The following GLIS2 variants were observed in gnomAD, a reference collection of about 807,000 sequenced individuals.
GLIS2 encodes zinc finger protein GLIS2.
GLIS2 carries 14 observed loss-of-function variants against 35.6 expected under a neutral mutation model. That is an observed-to-expected ratio of 0.39 (90% CI 0.26 to 0.61). The LOEUF (loss-of-function observed/expected upper bound fraction) is 0.61, where lower values mean the gene tolerates loss of function less well. Ranked by LOEUF, GLIS2 falls within the 20% of genes least tolerant of loss-of-function variation. The pLI, the probability that GLIS2 is intolerant of heterozygous loss-of-function variation, is 0.48. For missense variants in GLIS2, 675 were observed against 713.4 expected, an observed-to-expected ratio of 0.95 and a Z score of 0.61; for synonymous variants, 368 against 325.1, an observed-to-expected ratio of 1.13 and a Z score of -1.42.
intron 1 of GLIS2, among the ~76,000 whole-genome samples, chr16:4,327,796 C>T (rs1308175925): frequency 6.6e-6 from 1 of 151,556 alleles, no homozygotes; most frequent in Non-Finnish European, 1.5e-5. Flanking sequence ...TCCCTCGCCG[C>T]AGCCGCTTCC....
chr16:4,325,725 C>G (rs1405797819), intron 1 of GLIS2, among the ~76,000 whole-genome samples: 1 of 150,638 alleles, frequency 6.6e-6, no homozygotes, highest in Non-Finnish European at 1.5e-5. Context: ...TCCAGGAGAT[C>G]GAGACCAGCC....
intron 1 of GLIS2, among the ~76,000 whole-genome samples, chr16:4,317,303 C>A (rs767686603): frequency 6.6e-6 from 1 of 152,110 alleles, no homozygotes; most frequent in Non-Finnish European, 1.5e-5. Context: ...CTGGCCAAGG[C>A]CTGGGCTTGG....
At position 4,337,402 on chromosome 16, in the gene GLIS2, G is replaced by A. The variant is rs1265932463; in HGVS notation, c.1453G>A (p.Gly485Ser). 6.3e-7 allele frequency: 1 copy of A among 1,591,274 alleles called. No homozygotes were observed. The highest frequency in any genetic ancestry group is 2.3e-5 in the East Asian group (1 of 43,824). Residue 485 changes from glycine to serine, a missense_variant, in exon 7 of 7, where the codon GGC (glycine) becomes AGC (serine). Physicochemically the swap from Gly to Ser is moderately conservative, Grantham distance 56. Transcript: ENST00000433375. Reference protein sequence around the residue: ...PSPDGLPLLPGTVLDLSTGVN... With the variant: ...PSPDGLPLLPSTVLDLSTGVN... Reference sequence around the variant, plus strand: ...CCCCGATGGACTCCCCCTGCTGCCAGGCACCGTGCTGGACCTGTCCACGGG... The same window carrying A: ...CCCCGATGGACTCCCCCTGCTGCCAAGCACCGTGCTGGACCTGTCCACGGG...
At position 4,332,394 on chromosome 16, in the gene GLIS2, G is replaced by A. The variant is rs2053507102; in HGVS notation, c.114G>A (p.Arg38=). The A allele has an allele frequency of 6.2e-7, 1 of 1,612,820 alleles. No individual in the cohort carries two copies. Among genetic ancestry groups the A allele is most frequent in the Non-Finnish European group, 8.5e-7 (1 of 1,180,026 alleles). ...TGGTCCGGCCCCGTGCTCTGCACAGGGAGCTGGGCCTGGTGGATGACAGCC... is the reference window on the plus strand; with the variant it reads ...TGGTCCGGCCCCGTGCTCTGCACAGAGAGCTGGGCCTGGTGGATGACAGCC... ...LGVVRPRALH[R]ELGLVDDSPT... is the part of the protein sequence containing the mutation. Residue 38 remains arginine, a synonymous_variant, in exon 2 of 7, where the codon AGG becomes AGA. Transcript: ENST00000433375. This position sits in a 1 kb window ranked among gnomAD's most constrained non-coding sequence, Gnocchi z 5.4.
chr16:4,333,445 T>C lies in GLIS2; in HGVS notation c.271T>C (p.Ser91Pro). Residue 91 changes from serine (S) to proline (P), a missense_variant, in exon 3 of 7, where the codon TCC becomes CCC. Around this residue, in one of 3 missense-constraint regions of GLIS2, gnomAD observed 225 missense variants for 238.7 expected, o/e 0.94. Transcript: ENST00000433375. ...CCTGTCACCACCATCTGGGCTGGAC[T>C]CCCCCAATGGCAGCAGCTCGCTGTC... is the stretch of plus-strand genomic sequence containing the variant. Reference protein sequence around the residue: ...LSLSPPSGLDSPNGSSSLSPE... With the variant: ...LSLSPPSGLDPPNGSSSLSPE... 6.2e-7 allele frequency: 1 copy of C among 1,612,716 alleles called. No homozygotes were observed. The highest frequency in any genetic ancestry group is 8.5e-7 in the Non-Finnish European group (1 of 1,179,938).
chr16:4,315,986 C>T (rs2053305940), upstream of GLIS2, among the ~76,000 whole-genome samples: 2 of 147,192 alleles, frequency 1.4e-5, no homozygotes, highest in Non-Finnish European at 3.0e-5. Context: ...GCGGGCCCTC[C>T]TCCCGCCGCC....
intron 1 of GLIS2, among the ~76,000 whole-genome samples, chr16:4,323,443 C>T (rs1201387949): frequency 1.3e-5 from 2 of 151,962 alleles, no homozygotes; most frequent in African/African-American, 2.4e-5. Flanking sequence ...TGCAAAGGTG[C>T]AGCAGCGGGC....
At chr16:4,326,176 C>T (rs1264921845) in intron 1 of GLIS2, among the ~76,000 whole-genome samples, 1 of 151,934 alleles carries the variant, frequency 6.6e-6, no homozygotes, top group African/African-American at 2.4e-5. Flanking sequence ...ACCTGGGAGG[C>T]GGAGCTTGCA....
rs1597332273 is a variant in GLIS2, at chr16:4,320,870, C to A, written c.-67+4616C>A. 6.6e-6 allele frequency among the ~76,000 whole-genome samples: 1 copy of A among 152,284 alleles called. No homozygotes were observed. The highest frequency in any genetic ancestry group is 2.1e-4 in the South Asian group (1 of 4,828). ...GTCTCCCTGCCAGCCCCGGCCTCCCCCAGCACCCCCCGGAGCACCTAGTGG... is the reference window on the plus strand; with the variant it reads ...GTCTCCCTGCCAGCCCCGGCCTCCCACAGCACCCCCCGGAGCACCTAGTGG... On this transcript the variant is annotated intron_variant, in intron 1 of 6. Coordinates refer to ENST00000433375, the MANE Select transcript of GLIS2 (RefSeq NM_032575.3). This position sits in a 1 kb window ranked among gnomAD's most constrained non-coding sequence, Gnocchi z 5.6.
intron 1 of GLIS2, among the ~76,000 whole-genome samples, chr16:4,319,854 C>G (rs1241294212): frequency 6.6e-6 from 1 of 152,116 alleles, no homozygotes; most frequent in African/African-American, 2.4e-5. Flanking sequence ...GCACGGAGGC[C>G]GGGTACTCGC....
At chr16:4,321,178 G>A (rs2053375188) in intron 1 of GLIS2, among the ~76,000 whole-genome samples, 1 of 152,164 alleles carries the variant, frequency 6.6e-6, no homozygotes, top group Non-Finnish European at 1.5e-5. Flanking sequence ...GGGCGTGGCA[G>A]GAGATGGAGC....
In GLIS2 at chr16:4,334,877, C is replaced by G; in HGVS notation, c.422C>G (p.Ala141Gly). 1 of 1,613,212 alleles carries G rather than the reference C, an allele frequency of 6.2e-7. No homozygotes were observed. The highest frequency in any genetic ancestry group is 8.5e-7 in the Non-Finnish European group (1 of 1,179,998). The change falls in exon 4 of 7, where the codon GCC becomes GGC. Residue 141 changes from alanine to glycine, a missense_variant. Coordinates refer to ENST00000433375, the MANE Select transcript of GLIS2 (RefSeq NM_032575.3). ...TTCCTGCCCCTCGGCTCCGGGGGGG[C>G]CCTGCACCTGCCTGCCTCCTCCTTC... ...QFFLPLGSGG[A>G]LHLPASSFLT...
intron 1 of GLIS2, among the ~76,000 whole-genome samples, chr16:4,328,679 C>T (rs941413815): frequency 6.6e-6 from 1 of 152,152 alleles, no homozygotes; most frequent in Admixed American, 6.5e-5. Context: ...GTGGGGGTGC[C>T]CCTGGGGACT....
Position 4,337,378 on chromosome 16 carries a change from C to T in GLIS2, c.1429C>T (p.Pro477Ser), listed in dbSNP as rs2053567033. ...GGAGAGCAGCTGCTCCCGGCCAAGC[C>T]CCGATGGACTCCCCCTGCTGCCAGG... Reference protein sequence around the residue: ...RTESSCSRPSPDGLPLLPGTV... With the variant: ...RTESSCSRPSSDGLPLLPGTV... Residue 477 changes from proline (P) to serine (S), a missense_variant, in exon 7 of 7, where the codon CCC becomes TCC. By Grantham distance (74) the Pro-to-Ser change is moderately conservative. Transcript: ENST00000433375. The T allele has an allele frequency of 1.3e-6, 2 of 1,593,634 alleles. No individual in the cohort carries two copies. The highest frequency in any genetic ancestry group is 2.7e-5 in the African/African-American group (2 of 74,478).
Position 4,332,192 on chromosome 16 carries a change from G to C in GLIS2, c.-66-23G>C, listed in dbSNP as rs971279987. Reference sequence around the variant, plus strand: ...AGAAGCCTGGGGTCTCAGTGCCACAGCACAGCTCCTGTCCTTCCCCAGGTT... The same window carrying C: ...AGAAGCCTGGGGTCTCAGTGCCACACCACAGCTCCTGTCCTTCCCCAGGTT... On this transcript the variant is annotated intron_variant, in intron 1 of 6. Coordinates refer to ENST00000433375, the MANE Select transcript of GLIS2 (RefSeq NM_032575.3). This position sits in a 1 kb window ranked among gnomAD's most constrained non-coding sequence, Gnocchi z 5.4. The C allele has an allele frequency of 4.7e-6, 7 of 1,500,796 alleles. No individual in the cohort carries two copies. Among genetic ancestry groups the C allele is most frequent in the Non-Finnish European group, 6.3e-6 (7 of 1,105,070 alleles). The allele number at this position is 1,500,796 out of a possible 1,614,324, so 93.0% of individuals were successfully genotyped here.
rs2053540280 is a variant in GLIS2 at position 4,335,430 on chromosome 16, G to A, written c.775+37G>A. ...GGGCCGGGCGGCTTGGCCCATGAAG[G>A]GGGCGCTCAGCTGAGACCGGCTGGG... On this transcript the variant is annotated intron_variant, in intron 6 of 6. Coordinates refer to ENST00000433375, the MANE Select transcript of GLIS2 (RefSeq NM_032575.3). The surrounding 1 kb of genome is among the most constrained non-coding windows in gnomAD (Gnocchi z 4.6). The A allele has an allele frequency of 1.9e-6, 3 of 1,591,712 alleles. No homozygotes were observed. Among genetic ancestry groups the A allele is most frequent in the African/African-American group, 1.3e-5 (1 of 74,508 alleles).
At position 4,337,193 on chromosome 16, in the gene GLIS2, C is replaced by T. The variant is rs751855769; in HGVS notation, c.1244C>T (p.Pro415Leu). ...CTGCCTCTCAATCTGGCCAAGAACCCGCTGCTGCCCTCGCCCTTTGGGGCT... is the reference window on the plus strand; with the variant it reads ...CTGCCTCTCAATCTGGCCAAGAACCTGCTGCTGCCCTCGCCCTTTGGGGCT... ...PVLPLNLAKN[P>L]LLPSPFGAGG... Residue 415 changes from proline to leucine, a missense_variant, in exon 7 of 7, where the codon CCG becomes CTG. Physicochemically the swap from Pro to Leu is moderately conservative, Grantham distance 98. This residue lies in a region of GLIS2 where 317 missense variants were observed against 283.2 expected (regional missense o/e 1.12). Coordinates refer to ENST00000433375, the MANE Select transcript of GLIS2 (RefSeq NM_032575.3). 57 of 1,545,710 alleles carry T rather than the reference C, an allele frequency of 3.7e-5. No homozygotes were observed. In the Admixed American group the frequency reaches 4.5e-4, roughly 12 times the overall value.
intron 6 of GLIS2, chr16:4,336,442 C>T (rs542156159): frequency 4.6e-5 from 27 of 589,868 alleles, no homozygotes; most frequent in South Asian, 9.8e-5. Flanking sequence ...CCACCGGGCC[C>T]GGCCTCCAAG....
At chr16:4,322,917 T>G (rs1414586003) in intron 1 of GLIS2, among the ~76,000 whole-genome samples, 1 of 152,182 alleles carries the variant, frequency 6.6e-6, no homozygotes, top group Non-Finnish European at 1.5e-5. Flanking sequence ...CAGGCGTGGC[T>G]TGGGAGGCGC....
Sources: allele counts gnomAD v4.1 joint callset (sites outside exome capture counted in the v4.1 genomes callset), GRCh38; gene constraint gnomAD v4.1.1; regional missense constraint gnomAD v4.1.1; non-coding constraint Gnocchi (gnomAD v3.1); transcripts MANE v1.5; gene names NCBI Gene and HGNC (gene_info 2026-07-23, HGNC 2026-07-21).